The following TTLL6 variants were observed in gnomAD, a reference collection of about 807,000 sequenced individuals.
TTLL6 encodes the protein tubulin tyrosine ligase like 6.
TTLL6 carries 75 observed loss-of-function variants against 96.4 expected under a neutral mutation model. The observed-to-expected ratio is 0.78, with a 90% CI of 0.65 to 0.94. The LOEUF is 0.94. Among genes scored for constraint, TTLL6 ranks in the 40% least tolerant of loss-of-function variants. The pLI, the probability that TTLL6 is intolerant of heterozygous loss-of-function variation, is 0.00. For synonymous variants in TTLL6, 411 were observed against 419.4 expected, an observed-to-expected ratio of 0.98 and a Z score of 0.24; for missense variants, 1,030 against 1,093.0, an observed-to-expected ratio of 0.94 and a Z score of 0.81.
chr17:48,804,285 C>T lies in TTLL6; in HGVS notation c.324-357G>A, dbSNP rs117224245. On this transcript the variant is annotated intron_variant, in intron 2 of 15. Transcript: ENST00000393382. ...TGGCCAAAATACTTGTCTCCTTCCT[C>T]TTCCCCCCATTAAGGGAAGCTATGA... is the stretch of plus-strand genomic sequence containing the variant. 7.7e-4 allele frequency: 389 copies of T among 503,396 alleles called. 2 individuals carry two copies. The East Asian group carries it at 0.018, about 23-fold the overall frequency. The allele number at this position is 503,396 out of a possible 1,614,324, so 31.2% of individuals were successfully genotyped here.
chr17:48,797,685 G>A (rs921674034), intron 6 of TTLL6, among the ~76,000 whole-genome samples: 1 of 151,232 alleles, frequency 6.6e-6, no homozygotes, highest in African/African-American at 2.4e-5. Flanking sequence ...TACTCAGGAG[G>A]CTGAGGCAGG....
At chr17:48,775,464 C>T (rs1368644294) in intron 13 of TTLL6, among the ~76,000 whole-genome samples, 1 of 151,218 alleles carries the variant, frequency 6.6e-6, no homozygotes, top group African/African-American at 2.4e-5. Flanking sequence ...AGAAAAAAAT[C>T]CATATGATTA....
chr17:48,798,979 G>A (rs2039365305), intron 6 of TTLL6, among the ~76,000 whole-genome samples: 1 of 151,606 alleles, frequency 6.6e-6, no homozygotes, highest in Non-Finnish European at 1.5e-5. Context: ...ACAGGCATGT[G>A]CCACCACGCC....
chr17:48,802,762 T>C (rs1597997442), intron 3 of TTLL6, among the ~76,000 whole-genome samples: 1 of 152,170 alleles, frequency 6.6e-6, no homozygotes, highest in Non-Finnish European at 1.5e-5. Context: ...TCCCAGCTAC[T>C]CAGGAGGCTG....
In TTLL6 at chr17:48,797,213, A is replaced by G; in HGVS notation, c.769-9T>C. Reference sequence around the variant, plus strand: ...CCATCAATGATAAAGGGCTGGAAGGAGAGAACAGAAGTCAGACATGCATTA... The same window carrying G: ...CCATCAATGATAAAGGGCTGGAAGGGGAGAACAGAAGTCAGACATGCATTA... On this transcript the variant is annotated splice_polypyrimidine_tract_variant and intron_variant, in intron 6 of 15. Transcript: ENST00000393382. 6.5e-7 allele frequency: 1 copy of G among 1,543,888 alleles called. No homozygotes were observed. The highest frequency in any genetic ancestry group is 8.8e-7 in the Non-Finnish European group (1 of 1,142,090).
chr17:48,805,799 C>A (rs2039496574), intron 1 of TTLL6, among the ~76,000 whole-genome samples: 1 of 151,316 alleles, frequency 6.6e-6, no homozygotes, highest in African/African-American at 2.4e-5. Flanking sequence ...ATGGTGAAAC[C>A]CCGTCTCTAT....
In TTLL6 at chr17:48,801,274, T is replaced by G; in HGVS notation, c.592A>C (p.Thr198Pro). Reference protein sequence around the residue: ...FPKDFRFFPRTWCLPADWGDL... With the variant: ...FPKDFRFFPRPWCLPADWGDL... Reference sequence around the variant, plus strand: ...ACTCACTCAGCAGGAAGACACCAGGTCCTAGGGAAAAAGCGGAAATCTTTA... The same window carrying G: ...ACTCACTCAGCAGGAAGACACCAGGGCCTAGGGAAAAAGCGGAAATCTTTA... The change falls in exon 5 of 16, where the codon ACC (threonine) becomes CCC (proline). Residue 198 changes from threonine to proline, a missense_variant. Physicochemically the swap from Thr to Pro is conservative, Grantham distance 38. Coordinates refer to ENST00000393382, the MANE Select transcript of TTLL6 (RefSeq NM_001130918.3). 1 of 1,551,466 alleles carries G rather than the reference T, an allele frequency of 6.4e-7. No individual in the cohort carries two copies. The highest frequency in any genetic ancestry group is 1.2e-5 in the South Asian group (1 of 84,030).
chr17:48,767,873 A>G (rs1354155914), intron 15 of TTLL6, among the ~76,000 whole-genome samples: 1 of 152,120 alleles, frequency 6.6e-6, no homozygotes, highest in East Asian at 1.9e-4. Context: ...CTGTCCCCTC[A>G]GCACACTCCA....
intron 11 of TTLL6, 78 bp from the exon 12 acceptor site, chr17:48,786,413 C>T: frequency 6.4e-7 from 1 of 1,568,944 alleles, no homozygotes; most frequent in East Asian, 2.3e-5. Context: ...GAGGGATGGA[C>T]ATGACTGGGC....
Position 48,786,199 on chromosome 17 carries a change from G to C in TTLL6, c.1726C>G (p.Gln576Glu), listed in dbSNP as rs765952094. ...GMRGWQQKQQ[Q>E]KDKAATQASK... ...GCTTGGGTGGCGGCCTTGTCTTTCT[G>C]CTGTTGTTTCTGTTGCCAGCCCCTC... Residue 576 changes from glutamine to glutamate, a missense_variant, in exon 12 of 16, where the codon CAG becomes GAG. Coordinates refer to ENST00000393382, the MANE Select transcript of TTLL6 (RefSeq NM_001130918.3). The C allele has an allele frequency of 6.2e-7, 1 of 1,614,084 alleles. No individual in the cohort carries two copies. The highest frequency in any genetic ancestry group is 1.1e-5 in the South Asian group (1 of 91,082).
intron 13 of TTLL6, among the ~76,000 whole-genome samples, chr17:48,777,957 A>G (rs1294406992): frequency 6.6e-6 from 1 of 151,958 alleles, no homozygotes; most frequent in African/African-American, 2.4e-5. Flanking sequence ...GAGGTACATG[A>G]AAATCTCTTA....
chr17:48,789,891 CAG>C, intron 10 of TTLL6, 38 bp downstream of exon 10: 3 of 1,603,150 alleles, frequency 1.9e-6, no homozygotes, highest in South Asian at 2.3e-5. Context: ...GCAGGGGAGT[CAG>C]AGAGAGAGCC....
chr17:48,766,786 G>T (rs1567712555), intron 15 of TTLL6, among the ~76,000 whole-genome samples: 1 of 152,210 alleles, frequency 6.6e-6, no homozygotes, highest in Non-Finnish European at 1.5e-5. Context: ...ATTGAAGATA[G>T]TGGTAGTGGG....
In TTLL6 at chr17:48,797,343, G is replaced by A. The variant is rs2039335211; in HGVS notation, c.769-139C>T. 6.5e-6 allele frequency: 6 copies of A among 918,184 alleles called. No individual in the cohort carries two copies. The South Asian group carries it at 1.1e-4, about 17-fold the overall frequency. 56.9% of individuals were successfully genotyped at this position (918,184 alleles called of 1,614,324 possible). On this transcript the variant is annotated intron_variant, in intron 6 of 15. Transcript: ENST00000393382. ...GAGGGCAGGCTTGTCCAGGGTCAGA[G>A]AGAGGAACAAGGAGACTTGGGCTCT... is the stretch of plus-strand genomic sequence containing the variant.
rs1443432791 is a variant in TTLL6 at position 48,797,091 on chromosome 17, G to A, written c.882C>T (p.Thr294=). Reference sequence around the variant, plus strand: ...TGTCTGTGCAAGGGCGGGAGTAAGAGGTCGTCGCAAAGCGGGCCAGTCCTT... The same window carrying A: ...TGTCTGTGCAAGGGCGGGAGTAAGAAGTCGTCGCAAAGCGGGCCAGTCCTT... ...YNEGLARFAT[T]SYSRPCTDNL... Residue 294 remains threonine, a synonymous_variant, in exon 7 of 16, where the codon ACC becomes ACT. Transcript: ENST00000393382. 2 of 1,551,456 alleles carry A rather than the reference G, an allele frequency of 1.3e-6. No individual in the cohort carries two copies. Among genetic ancestry groups the A allele is most frequent in the South Asian group, 1.2e-5 (1 of 84,058 alleles).
chr17:48,769,829 G>A lies in TTLL6; in HGVS notation c.2309C>T (p.Pro770Leu). Residue 770 changes from proline to leucine, a missense_variant, in exon 14 of 16, where the codon CCA becomes CTA. By Grantham distance (98) the Pro-to-Leu change is moderately conservative. Coordinates refer to ENST00000393382, the MANE Select transcript of TTLL6 (RefSeq NM_001130918.3). ...WTLLKSDMNKPHLISELLTKL... is the reference protein window; with the variant it reads ...WTLLKSDMNKLHLISELLTKL... ...GGTGAGTAGCTCGGATATCAAATGT[G>A]GCTTGTTCATGTCACTCTTTAGCAA... The A allele has an allele frequency of 6.2e-7, 1 of 1,614,218 alleles. No homozygotes were observed. The highest frequency in any genetic ancestry group is 8.5e-7 in the Non-Finnish European group (1 of 1,180,048).
chr17:48,797,252 CA>C (rs747295064), intron 6 of TTLL6, 48 bp from the exon 7 acceptor site: 2 of 1,513,744 alleles, frequency 1.3e-6, no homozygotes, highest in South Asian at 2.5e-5. Flanking sequence ...GAGAAATTTA[CA>C]CTTGAAAATC....
chr17:48,794,382 A>G lies in TTLL6; in HGVS notation c.998+1679T>C. On this transcript the variant is annotated intron_variant, in intron 8 of 15. Transcript: ENST00000393382. ...TGTGTTGCCATCACAAGTCATTTGA[A>G]CCTCACAGAGACCCTGTGAGGTGGC... The G allele has an allele frequency of 2.7e-6, 4 of 1,506,210 alleles. 1 individual carries two copies. The South Asian group carries it at 5.1e-5, about 19-fold the overall frequency. The allele number at this position is 1,506,210 out of a possible 1,614,324, so 93.3% of individuals were successfully genotyped here.
chr17:48,775,264 G>GA (rs1317846947), intron 13 of TTLL6, among the ~76,000 whole-genome samples: 7 of 151,192 alleles, frequency 4.6e-5, no homozygotes, highest in African/African-American at 1.7e-4. Context: ...GAAAATAGAA[G>GA]AAAAAAAACA....
Sources: allele counts gnomAD v4.1 joint callset (sites outside exome capture counted in the v4.1 genomes callset), GRCh38; gene constraint gnomAD v4.1.1; transcripts MANE v1.5; gene names NCBI Gene and HGNC (gene_info 2026-07-23, HGNC 2026-07-21).